The following GPC5 variants were observed in gnomAD, a reference collection of about 807,000 sequenced individuals.
The protein encoded by GPC5 is glypican 5.
Under a neutral mutation model 53.9 loss-of-function variants are expected in GPC5, and 47 were observed. The observed-to-expected ratio is 0.87, with a 90% CI of 0.69 to 1.11. The LOEUF is 1.11. Among genes scored for constraint, GPC5 ranks in the 50% most tolerant of loss-of-function variants. The pLI is 0.00. For synonymous variants in GPC5, 286 were observed against 263.3 expected (o/e 1.09, Z -0.84); for missense variants, 748 against 713.1 (o/e 1.05, Z -0.56).
intron 6 of GPC5, among the ~76,000 whole-genome samples, chr13:91,924,764 A>C (rs796663737): frequency 6.6e-6 from 1 of 152,078 alleles, no homozygotes; most frequent in Admixed American, 6.6e-5. Context: ...ATAAAATAAA[A>C]TAGAAAATAA....
intron 7 of GPC5, among the ~76,000 whole-genome samples, chr13:92,581,601 G>A (rs1336836264): frequency 2.0e-5 from 3 of 152,058 alleles, no homozygotes; most frequent in African/African-American, 4.8e-5. Flanking sequence ...TGGAATTACT[G>A]GATCGTATGT....
intron 7 of GPC5, among the ~76,000 whole-genome samples, chr13:92,553,898 A>C (rs1415846579): frequency 6.6e-6 from 1 of 151,964 alleles, no homozygotes; most frequent in African/African-American, 2.4e-5. Flanking sequence ...CTTCATATTT[A>C]ATGACATCAC....
At position 92,381,828 on chromosome 13, in the gene GPC5, TATATATTATATTGTATATGATC is replaced by T. The variant is rs1374904716; in HGVS notation, c.1561+236846_1561+236867del. ...ATAGATATTATTTCATATATAATCA[TATATATTATATTGTATATGATC>T]ATATATGATTATATATATCATATAT... On this transcript the variant is annotated intron_variant, in intron 7 of 7. Coordinates refer to ENST00000377067, the MANE Select transcript of GPC5 (RefSeq NM_004466.6). Among the ~76,000 whole-genome samples the T allele has an allele frequency of 5.7e-5, 6 of 104,656 alleles. 1 individual carries two copies. In the South Asian group the frequency reaches 1.1e-3, roughly 19 times the overall value. The allele number at this position is 104,656 out of a possible 152,430, so 68.7% of individuals were successfully genotyped here.
intron 2 of GPC5, among the ~76,000 whole-genome samples, chr13:91,480,935 A>G (rs1189486025): frequency 6.7e-6 from 1 of 149,686 alleles, no homozygotes; most frequent in Non-Finnish European, 1.5e-5. Context: ...AGACAGTGAT[A>G]TTTCTGTGTT....
chr13:91,947,912 G>T (rs1335920615), intron 6 of GPC5, among the ~76,000 whole-genome samples: 1 of 152,090 alleles, frequency 6.6e-6, no homozygotes. Context: ...AGCACTTTGG[G>T]AGGCCGAGGC....
At chr13:91,995,421 A>T (rs2040495161) in intron 6 of GPC5, 1 of 152,242 alleles carries the variant, frequency 6.6e-6, no homozygotes, top group East Asian at 1.9e-4. Context: ...GTAAAAAAGT[A>T]AGAGTTAACT....
At chr13:92,164,472 T>C (rs530790164) in intron 7 of GPC5, among the ~76,000 whole-genome samples, 62 of 152,330 alleles carry the variant, frequency 4.1e-4, no homozygotes, top group African/African-American at 1.3e-3. Flanking sequence ...AATGTTCTCC[T>C]TTGACTCCAT....
intron 7 of GPC5, among the ~76,000 whole-genome samples, chr13:92,602,123 T>G (rs555588543): frequency 6.8e-5 from 10 of 146,718 alleles, no homozygotes; most frequent in Non-Finnish European, 1.3e-4. Flanking sequence ...AAGTATTATA[T>G]ACATATAATA....
At chr13:91,777,487 G>A (rs1365400544) in intron 5 of GPC5, among the ~76,000 whole-genome samples, 2 of 152,112 alleles carry the variant, frequency 1.3e-5, no homozygotes, top group Non-Finnish European at 2.9e-5. Flanking sequence ...ATGTGGAAAC[G>A]ACAGAAGATT....
chr13:91,959,820 C>T (rs759504961), intron 6 of GPC5, among the ~76,000 whole-genome samples: 11 of 151,902 alleles, frequency 7.2e-5, no homozygotes, highest in East Asian at 3.9e-4. Flanking sequence ...AACCAGCAAA[C>T]GTCATGCATC....
intron 7 of GPC5, among the ~76,000 whole-genome samples, chr13:92,677,800 C>T (rs1886996448): frequency 6.6e-6 from 1 of 152,190 alleles, no homozygotes; most frequent in Non-Finnish European, 1.5e-5. Context: ...TATCTACTCA[C>T]ACTGTTTGCC....
intron 6 of GPC5, among the ~76,000 whole-genome samples, chr13:92,124,455 A>C (rs1213006175): frequency 6.6e-6 from 1 of 152,166 alleles, no homozygotes; most frequent in Non-Finnish European, 1.5e-5. Flanking sequence ...CATTGCAAAA[A>C]GGAAAAAAAG....
At chr13:92,397,660 T>A (rs566008205) in intron 7 of GPC5, among the ~76,000 whole-genome samples, 2 of 152,290 alleles carry the variant, frequency 1.3e-5, no homozygotes, top group African/African-American at 2.4e-5. Context: ...AGTTCTCTGA[T>A]GAAACCAAAA....
rs2035839642 is a variant in GPC5, at chr13:91,694,591, T to G, written c.1020+710T>G. Reference sequence around the variant, plus strand: ...GTCTCACCTTACATAGAACCATTTTTCTAAATATTCACTGGCTCCCTTAGT... The same window carrying G: ...GTCTCACCTTACATAGAACCATTTTGCTAAATATTCACTGGCTCCCTTAGT... On this transcript the variant is annotated intron_variant, in intron 3 of 7. Coordinates refer to ENST00000377067, the MANE Select transcript of GPC5 (RefSeq NM_004466.6). 2.0e-5 allele frequency among the ~76,000 whole-genome samples: 3 copies of G among 152,194 alleles called. No homozygotes were observed. The South Asian group carries it at 6.2e-4, about 32-fold the overall frequency.
In GPC5 at chr13:91,611,487, T is replaced by C. The variant is rs151302079; in HGVS notation, c.326-81700T>C. 5.8e-3 allele frequency among the ~76,000 whole-genome samples: 884 copies of C among 152,104 alleles called. 6 individuals carry two copies. Among genetic ancestry groups the C allele is most frequent in the South Asian group, 0.025 (122 of 4,824 alleles). ...ATTCGGAATCCAGTCTCATCTTCAG[T>C]TAGAGAAATTTTAAAGAACCTTCAG... is the stretch of plus-strand genomic sequence containing the variant. On this transcript the variant is annotated intron_variant, in intron 2 of 7. Transcript: ENST00000377067.
At chr13:91,528,208 G>A (rs1886175906) in intron 2 of GPC5, among the ~76,000 whole-genome samples, 1 of 152,136 alleles carries the variant, frequency 6.6e-6, no homozygotes, top group Admixed American at 6.6e-5. Flanking sequence ...TTAAACATAA[G>A]TTACAATTTC....
chr13:92,166,970 A>T (rs1424097157), intron 7 of GPC5, among the ~76,000 whole-genome samples: 88 of 144,588 alleles, frequency 6.1e-4, no homozygotes, highest in Non-Finnish European at 1.1e-3. Context: ...ACACACACAC[A>T]CACACACACA....
chr13:91,660,982 G>C (rs933322934), intron 2 of GPC5, among the ~76,000 whole-genome samples: 1 of 152,118 alleles, frequency 6.6e-6, no homozygotes, highest in Admixed American at 6.5e-5. Context: ...TGCTCTTGTG[G>C]AGCTTACATT....
chr13:91,582,783 C>T (rs1200900136), intron 2 of GPC5, among the ~76,000 whole-genome samples: 2 of 152,178 alleles, frequency 1.3e-5, no homozygotes, highest in African/African-American at 4.8e-5. Context: ...GAGTCTGAGG[C>T]GGGCAGATAA....
Sources: gnomAD v4.1 joint callset for allele counts (sites outside exome capture counted in the v4.1 genomes callset) on GRCh38, gnomAD v4.1.1 for gene constraint, MANE v1.5 for transcripts, NCBI Gene and HGNC (gene_info 2026-07-23, HGNC 2026-07-21) for gene names.